Variants in GPC5 observed in about 807,000 individuals in gnomAD.
GPC5 encodes glypican-5.
Under a neutral mutation model 53.9 loss-of-function variants are expected in GPC5, and 47 were observed. The ratio of observed to expected loss-of-function variants is 0.87; its 90% CI spans 0.69 to 1.11. The LOEUF (loss-of-function observed/expected upper bound fraction) is 1.11, where lower values mean the gene tolerates loss of function less well. Among genes scored for constraint, GPC5 ranks in the 50% most tolerant of loss-of-function variants. The probability of loss-of-function intolerance (pLI) is 0.00; values close to 1 mark genes in which losing one functional copy is unlikely to be tolerated. For synonymous variants in GPC5, 286 were observed against 263.3 expected (o/e 1.09, Z -0.84); for missense variants, 748 against 713.1 (o/e 1.05, Z -0.56).
intron 7 of GPC5, among the ~76,000 whole-genome samples, chr13:92,408,666 T>C (rs530754983): frequency 6.6e-6 from 1 of 151,814 alleles, no homozygotes; most frequent in Admixed American, 6.6e-5. Context: ...ATAATACATA[T>C]ATGTATATGT....
At chr13:91,518,055 G>A (rs1376378559) in intron 2 of GPC5, among the ~76,000 whole-genome samples, 1 of 152,118 alleles carries the variant, frequency 6.6e-6, no homozygotes, top group Non-Finnish European at 1.5e-5. Context: ...ATATAGTGGT[G>A]GATGTAATCA....
chr13:91,617,141 A>C (rs2033718376), intron 2 of GPC5, among the ~76,000 whole-genome samples: 1 of 152,136 alleles, frequency 6.6e-6, no homozygotes, highest in African/African-American at 2.4e-5. Flanking sequence ...TGGGTGTAGC[A>C]ATCAATTAAA....
At chr13:92,269,034 A>G (rs1283390393) in intron 7 of GPC5, among the ~76,000 whole-genome samples, 1 of 152,064 alleles carries the variant, frequency 6.6e-6, no homozygotes, top group East Asian at 1.9e-4. Context: ...TGGTCTGTTT[A>G]TACTCTTCAA....
At chr13:92,089,316 C>T (rs2041360669) in intron 6 of GPC5, among the ~76,000 whole-genome samples, 2 of 151,968 alleles carry the variant, frequency 1.3e-5, no homozygotes, top group Admixed American at 6.6e-5. Context: ...CGGCTGTAGT[C>T]CCAGCTACTC....
At chr13:91,906,695 AC>A (rs1235892302) in intron 5 of GPC5, among the ~76,000 whole-genome samples, 4 of 152,032 alleles carry the variant, frequency 2.6e-5, no homozygotes, top group African/African-American at 9.7e-5. Context: ...TGCATTTAAG[AC>A]ATCTTTGTGA....
chr13:91,707,290 GTGAGATGCCGCTTCACAC>G (rs59960435), intron 3 of GPC5, among the ~76,000 whole-genome samples: 4,166 of 152,234 alleles, frequency 0.027, 177 homozygotes, highest in African/African-American at 0.095. Flanking sequence ...CACTGAGACA[GTGAGATGCCGCTTCACAC>G]TGAGTAGGTT....
chr13:92,685,575 A>AATTTTTTTTTTTTTT (rs1887247180), intron 7 of GPC5, among the ~76,000 whole-genome samples: 5 of 47,548 alleles, frequency 1.1e-4, no homozygotes, highest in African/African-American at 2.7e-4. Flanking sequence ...TTTTTTTTTT[A>AATTTTTTTTTTTTTT]TTATACTCTA....
At chr13:91,712,255 C>T (rs1386448366) in intron 3 of GPC5, among the ~76,000 whole-genome samples, 1 of 151,446 alleles carries the variant, frequency 6.6e-6, no homozygotes, top group Non-Finnish European at 1.5e-5. Context: ...GATGGATTCT[C>T]TAGTTAAGAG....
intron 7 of GPC5, among the ~76,000 whole-genome samples, chr13:92,621,037 T>C (rs1884852478): frequency 6.6e-6 from 1 of 152,218 alleles, no homozygotes; most frequent in African/African-American, 2.4e-5. Flanking sequence ...TTATTGAGTC[T>C]GGGAAACCTA....
chr13:92,034,705 A>G (rs1178294440), intron 6 of GPC5, among the ~76,000 whole-genome samples: 1 of 152,118 alleles, frequency 6.6e-6, no homozygotes, highest in Non-Finnish European at 1.5e-5. Flanking sequence ...TCCTGTTTGC[A>G]TATTTTATTG....
In GPC5 at chr13:92,240,353, A is replaced by C. The variant is rs1405447244; in HGVS notation, c.1561+95364A>C. 2.0e-5 allele frequency: 3 copies of C among 152,122 alleles called. No homozygotes were observed. In the East Asian group the frequency reaches 5.8e-4, roughly 29 times the overall value. 9.4% of individuals were successfully genotyped at this position (152,122 alleles called of 1,614,324 possible). Reference sequence around the variant, plus strand: ...AGCAATTCTTAGCATCTAATTGTCTATAGTTTTATGTATATTGACTATGAA... The same window carrying C: ...AGCAATTCTTAGCATCTAATTGTCTCTAGTTTTATGTATATTGACTATGAA... On this transcript the variant is annotated intron_variant, in intron 7 of 7. Coordinates refer to ENST00000377067, the MANE Select transcript of GPC5 (RefSeq NM_004466.6).
chr13:91,981,074 G>A (rs1049878239), intron 6 of GPC5, among the ~76,000 whole-genome samples: 1 of 152,140 alleles, frequency 6.6e-6, no homozygotes, highest in Non-Finnish European at 1.5e-5. Flanking sequence ...TATTGTTTGT[G>A]TCTTTTTGTG....
intron 7 of GPC5, among the ~76,000 whole-genome samples, chr13:92,832,287 C>G (rs1241159731): frequency 6.6e-6 from 1 of 152,116 alleles, no homozygotes; most frequent in Non-Finnish European, 1.5e-5. Context: ...CATTTGTCTG[C>G]CTGAATTTCT....
At chr13:91,910,066 G>C (rs1191306394) in intron 6 of GPC5, among the ~76,000 whole-genome samples, 1 of 152,168 alleles carries the variant, frequency 6.6e-6, no homozygotes, top group Non-Finnish European at 1.5e-5. Flanking sequence ...AGGTCTACTA[G>C]AATTATATGA....
intron 3 of GPC5, among the ~76,000 whole-genome samples, chr13:91,708,082 G>T (rs1230389846): frequency 2.6e-5 from 4 of 152,134 alleles, no homozygotes; most frequent in African/African-American, 9.7e-5. Flanking sequence ...AGGAGTTAAT[G>T]AATTGGTCAG....
At chr13:92,755,796 T>A (rs1256726485) in intron 7 of GPC5, among the ~76,000 whole-genome samples, 1 of 141,512 alleles carries the variant, frequency 7.1e-6, no homozygotes. Flanking sequence ...GTTGAATCTC[T>A]GAATAGACCA....
chr13:92,117,922 G>C (rs76224646), intron 6 of GPC5, among the ~76,000 whole-genome samples: 11 of 152,126 alleles, frequency 7.2e-5, no homozygotes, highest in Non-Finnish European at 1.6e-4. Context: ...TTTCTGATGT[G>C]GATGTTGCTG....
At chr13:92,754,655 AC>A (rs1429013772) in intron 7 of GPC5, among the ~76,000 whole-genome samples, 1 of 151,532 alleles carries the variant, frequency 6.6e-6, no homozygotes, top group African/African-American at 2.4e-5. Flanking sequence ...CAAATGGAAA[AC>A]AAAAAAAGGC....
intron 6 of GPC5, among the ~76,000 whole-genome samples, chr13:91,950,644 A>G (rs1205594494): frequency 1.3e-5 from 2 of 152,142 alleles, no homozygotes; most frequent in Admixed American, 6.6e-5. Context: ...GTAAAATGAG[A>G]TGATGTTTGT....
Sources: gnomAD v4.1 joint callset for allele counts (sites outside exome capture counted in the v4.1 genomes callset) on GRCh38, gnomAD v4.1.1 for gene constraint, MANE v1.5 for transcripts, NCBI Gene and HGNC (gene_info 2026-07-23, HGNC 2026-07-21) for gene names.